Variants in ZFAND3 observed in about 807,000 individuals in gnomAD.
ZFAND3 encodes zinc finger AN1-type containing 3.
A neutral mutation model predicts 29.6 loss-of-function variants in ZFAND3; 10 were observed. The observed-to-expected ratio is 0.34, with a 90% CI of 0.21 to 0.57. The LOEUF (loss-of-function observed/expected upper bound fraction) is 0.57. Ranked by LOEUF, ZFAND3 falls within the 20% of genes least tolerant of loss-of-function variation. The probability of loss-of-function intolerance (pLI) is 0.86; values close to 1 mark genes in which losing one functional copy is unlikely to be tolerated. For synonymous variants in ZFAND3, 128 were observed against 112.6 expected (o/e 1.14, Z -0.87); for missense variants, 230 against 304.5 (o/e 0.76, Z 1.82).
chr6:38,085,953 A>T (rs1642793062), intron 4 of ZFAND3, among the ~76,000 whole-genome samples: 1 of 152,204 alleles, frequency 6.6e-6, no homozygotes, highest in South Asian at 2.1e-4. Context: ...GTGATTGATT[A>T]ATCAGTCACC....
chr6:37,870,847 A>T (rs1764683040), intron 1 of ZFAND3, among the ~76,000 whole-genome samples: 1 of 152,146 alleles, frequency 6.6e-6, no homozygotes, highest in South Asian at 2.1e-4. Flanking sequence ...TCCTCGCTAT[A>T]AATCAGTAAT....
At position 37,925,866 on chromosome 6, in the gene ZFAND3, A is replaced by C. The variant is rs113418442; in HGVS notation, c.72-4093A>C. 4.8e-4 allele frequency among the ~76,000 whole-genome samples: 73 copies of C among 152,362 alleles called. 1 individual carries two copies. The highest frequency in any genetic ancestry group is 9.9e-4 in the African/African-American group (41 of 41,582). ...TGAGTCAAACGTTGAGATGTCAAAT[A>C]GGCAGTTAGATATGTGAGTTTGGAG... is the stretch of plus-strand genomic sequence containing the variant. On this transcript the variant is annotated intron_variant, in intron 1 of 5. Transcript: ENST00000287218.
At position 37,819,898 on chromosome 6, in the gene ZFAND3, A is replaced by G. The variant is rs961889587; in HGVS notation, c.-48A>G. ...CCTCCTCAGAGCGGGGCCCGGGCCC[A>G]GCCGCCGCCACCGCTGCCGCCGCCG... On this transcript the variant is annotated 5_prime_UTR_variant, in exon 1 of 6. Transcript: ENST00000287218. 2 of 1,144,900 alleles carry G rather than the reference A, an allele frequency of 1.7e-6. No homozygotes were observed. The highest frequency in any genetic ancestry group is 4.7e-5 in the Admixed American group (1 of 21,272). 70.9% of individuals were successfully genotyped at this position (1,144,900 alleles called of 1,614,324 possible).
At chr6:38,052,837 G>C (rs1764052470) in intron 2 of ZFAND3, among the ~76,000 whole-genome samples, 1 of 151,968 alleles carries the variant, frequency 6.6e-6, no homozygotes, top group Admixed American at 6.6e-5. Context: ...GAGATCAGGA[G>C]TTCGAGCCTG....
chr6:38,123,501 C>T (rs763889025), intron 5 of ZFAND3, among the ~76,000 whole-genome samples: 2 of 152,198 alleles, frequency 1.3e-5, no homozygotes, highest in Non-Finnish European at 2.9e-5. Flanking sequence ...CCTAGATCCA[C>T]CAGAAAACCC....
At chr6:38,085,526 A>T (rs1343146230) in intron 4 of ZFAND3, among the ~76,000 whole-genome samples, 1 of 152,218 alleles carries the variant, frequency 6.6e-6, no homozygotes, top group Non-Finnish European at 1.5e-5. Flanking sequence ...AAAGCTCTTT[A>T]TCTCAGCCTT....
intron 3 of ZFAND3, among the ~76,000 whole-genome samples, chr6:38,081,019 C>T (rs1408811573): frequency 1.3e-5 from 2 of 152,166 alleles, no homozygotes; most frequent in East Asian, 3.8e-4. Context: ...CCAAGTAATA[C>T]AAGCCAATGA....
At chr6:37,941,576 A>G (rs920954205) in intron 2 of ZFAND3, among the ~76,000 whole-genome samples, 1 of 152,200 alleles carries the variant, frequency 6.6e-6, no homozygotes, top group African/African-American at 2.4e-5. Flanking sequence ...TTAGCTCATT[A>G]ACCTTGCTCT....
chr6:37,852,820 G>T (rs894950452), intron 1 of ZFAND3, among the ~76,000 whole-genome samples: 2 of 151,212 alleles, frequency 1.3e-5, no homozygotes, highest in Non-Finnish European at 2.9e-5. Context: ...GGTTCAAGCA[G>T]TTCTCATGCC....
At chr6:38,070,163 G>C (rs984163588) in intron 3 of ZFAND3, among the ~76,000 whole-genome samples, 1 of 152,034 alleles carries the variant, frequency 6.6e-6, no homozygotes, top group Non-Finnish European at 1.5e-5. Context: ...TGTGGCTTGC[G>C]CCTGTAATCC....
intron 4 of ZFAND3, among the ~76,000 whole-genome samples, chr6:38,092,443 CA>C (rs1225856032): frequency 1.3e-5 from 2 of 152,154 alleles, no homozygotes; most frequent in African/African-American, 4.8e-5. Context: ...ATGTTTATTT[CA>C]AAAAGTGAAG....
At chr6:37,894,555 A>G (rs994046135) in intron 1 of ZFAND3, among the ~76,000 whole-genome samples, 2 of 151,992 alleles carry the variant, frequency 1.3e-5, no homozygotes, top group Admixed American at 6.6e-5. Flanking sequence ...AATTTTTTGT[A>G]GAGACAGAAT....
chr6:37,930,006 G>A lies in ZFAND3; in HGVS notation c.112+7G>A. The A allele has an allele frequency of 6.4e-7, 1 of 1,572,238 alleles. No individual in the cohort carries two copies. The highest frequency in any genetic ancestry group is 8.6e-7 in the Non-Finnish European group (1 of 1,162,120). On this transcript the variant is annotated splice_region_variant and intron_variant, in intron 2 of 5. Transcript: ENST00000287218. ...TGTTCCAAATGCTTTGCTGGTAAGTGCAGAAAAAGGGTTTTTTAATTTACT... is the reference window on the plus strand; with the variant it reads ...TGTTCCAAATGCTTTGCTGGTAAGTACAGAAAAAGGGTTTTTTAATTTACT...
intron 2 of ZFAND3, among the ~76,000 whole-genome samples, chr6:38,041,135 G>A (rs1763751766): frequency 6.6e-6 from 1 of 152,116 alleles, no homozygotes; most frequent in Non-Finnish European, 1.5e-5. Flanking sequence ...TGTGTTTGAT[G>A]TTTCCTCATG....
At chr6:37,824,649 A>G (rs1381200708) in intron 1 of ZFAND3, among the ~76,000 whole-genome samples, 7 of 152,246 alleles carry the variant, frequency 4.6e-5, no homozygotes, top group Non-Finnish European at 8.8e-5. Context: ...TGGTATTTAG[A>G]GAATAATGGA....
intron 2 of ZFAND3, among the ~76,000 whole-genome samples, chr6:37,982,199 G>A (rs1762592304): frequency 6.7e-6 from 1 of 150,300 alleles, no homozygotes; most frequent in Non-Finnish European, 1.5e-5. Context: ...GGTGAGGGAG[G>A]TATGTAGCTT....
At chr6:38,078,741 A>C (rs1764602092) in intron 3 of ZFAND3, among the ~76,000 whole-genome samples, 1 of 152,176 alleles carries the variant, frequency 6.6e-6, no homozygotes, top group Non-Finnish European at 1.5e-5. Flanking sequence ...CATACGTACT[A>C]CATTTATCTA....
chr6:38,059,989 A>G (rs1764203509), intron 2 of ZFAND3, among the ~76,000 whole-genome samples: 1 of 152,174 alleles, frequency 6.6e-6, no homozygotes, highest in African/African-American at 2.4e-5. Context: ...GAAATTTGTC[A>G]GTTTCTCATC....
At chr6:37,821,944 C>G (rs750164273) in intron 1 of ZFAND3, among the ~76,000 whole-genome samples, 5 of 152,190 alleles carry the variant, frequency 3.3e-5, no homozygotes, top group Admixed American at 6.5e-5. Flanking sequence ...AGCAGTTCTC[C>G]TGCCTCAACC....
Sources: allele counts gnomAD v4.1 joint callset (sites outside exome capture counted in the v4.1 genomes callset), GRCh38; gene constraint gnomAD v4.1.1; transcripts MANE v1.5; gene names NCBI Gene and HGNC (gene_info 2026-07-23, HGNC 2026-07-21).